LPP: variants seen among roughly 807,000 people sequenced by gnomAD.
The protein encoded by LPP is LIM domain containing preferred translocation partner in lipoma, also known as lipoma-preferred partner.
LPP carries 38 observed loss-of-function variants against 60.4 expected under a neutral mutation model. The observed-to-expected ratio is 0.63, with a 90% CI of 0.49 to 0.83. The LOEUF (loss-of-function observed/expected upper bound fraction) is 0.83. LPP is among the 40% of genes least tolerant of loss of function. LPP has a pLI of 0.00. For synonymous variants in LPP, 328 were observed against 290.8 expected, an observed-to-expected ratio of 1.13 and a Z score of -1.30; for missense variants, 902 against 783.6, an observed-to-expected ratio of 1.15 and a Z score of -1.80.
At position 188,874,530 on chromosome 3, in the gene LPP, A is replaced by C; in HGVS notation, c.*51A>C. The C allele has an allele frequency of 6.3e-7, 1 of 1,594,360 alleles. No individual in the cohort carries two copies. The highest frequency in any genetic ancestry group is 2.2e-5 in the East Asian group (1 of 44,542). On this transcript the variant is annotated 3_prime_UTR_variant, in exon 12 of 12. Transcript: ENST00000617246. The stretch of plus-strand genomic sequence containing the variant: ...TGAGAAGAACGAACACAAGAAAAAG[A>C]TAAGAAATACTAGAGTAAAGGCCAT...
intron 1 of LPP, among the ~76,000 whole-genome samples, chr3:188,163,032 G>T (rs1458203434): frequency 6.6e-6 from 1 of 152,176 alleles, no homozygotes. Flanking sequence ...ACATTCACGG[G>T]CATTTCCAGG....
At chr3:188,529,416 G>A (rs1821548569) in intron 6 of LPP, among the ~76,000 whole-genome samples, 1 of 152,134 alleles carries the variant, frequency 6.6e-6, no homozygotes, top group Admixed American at 6.5e-5. Context: ...AACATGTGTT[G>A]TAAGCTTTTT....
intron 1 of LPP, among the ~76,000 whole-genome samples, chr3:188,168,343 G>A (rs1474548888): frequency 6.6e-6 from 1 of 152,156 alleles, no homozygotes; most frequent in Non-Finnish European, 1.5e-5. Flanking sequence ...TAAATGTTTT[G>A]TGTCCATAGC....
At chr3:188,607,978 C>T (rs769047767) in intron 6 of LPP, among the ~76,000 whole-genome samples, 74 of 152,218 alleles carry the variant, frequency 4.9e-4, no homozygotes, top group Non-Finnish European at 9.6e-4. Flanking sequence ...GCCTCTTCAA[C>T]ATGTAAAGCT....
intron 8 of LPP, among the ~76,000 whole-genome samples, chr3:188,746,307 T>C (rs772712468): frequency 6.6e-6 from 1 of 152,170 alleles, no homozygotes; most frequent in African/African-American, 2.4e-5. Context: ...TGTTTAAATA[T>C]AGTCCATATG....
chr3:188,453,799 T>TC (rs1797136686), intron 4 of LPP, among the ~76,000 whole-genome samples: 1 of 152,132 alleles, frequency 6.6e-6, no homozygotes, highest in African/African-American at 2.4e-5. Context: ...TGTGGGTACT[T>TC]CTGTTAGGCT....
At chr3:188,206,634 TATGTG>T (rs1233956030) in intron 1 of LPP, among the ~76,000 whole-genome samples, 2 of 152,150 alleles carry the variant, frequency 1.3e-5, no homozygotes, top group African/African-American at 4.8e-5. Flanking sequence ...GCATGCTAGT[TATGTG>T]GAGAGGATTT....
At position 188,880,381 on chromosome 3, in the gene LPP, AG is replaced by A. The variant is rs1769822581; in HGVS notation, c.*5903del. The stretch of plus-strand genomic sequence containing the variant: ...GGTCCCCTTCAAAGTTACAAAAAAA[AG>A]TGCTAATTTTTGCTGTTAAATTCTG... On this transcript the variant is annotated 3_prime_UTR_variant, in exon 12 of 12. Transcript: ENST00000617246. 1.1e-5 allele frequency: 2 copies of A among 185,110 alleles called. No individual in the cohort carries two copies. Among genetic ancestry groups the A allele is most frequent in the Non-Finnish European group, 2.3e-5 (2 of 87,366 alleles). 11.5% of individuals were successfully genotyped at this position (185,110 alleles called of 1,614,324 possible). A position where few individuals can be genotyped will look rare whatever the true frequency, so the allele number is the denominator to read the frequency against.
chr3:188,679,620 A>T (rs1199687827), intron 7 of LPP, among the ~76,000 whole-genome samples: 1 of 151,032 alleles, frequency 6.6e-6, no homozygotes, highest in Non-Finnish European at 1.5e-5. Context: ...GGAACTGGTA[A>T]ATTTGCCTGT....
chr3:188,167,192 T>C (rs527237982), intron 1 of LPP, among the ~76,000 whole-genome samples: 1 of 152,288 alleles, frequency 6.6e-6, no homozygotes, highest in East Asian at 1.9e-4. Flanking sequence ...GTCAGTGTAG[T>C]AAAGCCTCAA....
intron 4 of LPP, among the ~76,000 whole-genome samples, chr3:188,429,451 G>T (rs184294554): frequency 6.6e-6 from 1 of 152,278 alleles, no homozygotes; most frequent in Admixed American, 6.5e-5. Context: ...ATGCAGGTGG[G>T]TCCTCTTAGG....
rs375106296 is a variant in LPP, at chr3:188,356,026, A to C, written c.-10+14307A>C. Among the ~76,000 whole-genome samples the C allele has an allele frequency of 3.1e-4, 47 of 152,334 alleles. No homozygotes were observed. The South Asian group carries it at 9.5e-3, about 31-fold the overall frequency. On this transcript the variant is annotated intron_variant, in intron 3 of 11. Coordinates refer to ENST00000617246, the MANE Select transcript of LPP (RefSeq NM_001375462.1). ...ACGCATTTATGGATAGTAGCTTAAA[A>C]AATTTCTGTAATTTTGCTGTTTTCA... is the stretch of plus-strand genomic sequence containing the variant.
Position 188,886,318 on chromosome 3 carries a change from T to TA in LPP, c.*11851dup, listed in dbSNP as rs544624721. The TA allele has an allele frequency of 0.013, 1,928 of 152,986 alleles. 2 individuals are homozygous for TA. Among genetic ancestry groups the TA allele is most frequent in the East Asian group, 0.036 (295 of 8,164 alleles). The allele number at this position is 152,986 out of a possible 1,614,324, so 9.5% of individuals were successfully genotyped here. A position where few individuals can be genotyped will look rare whatever the true frequency, so the allele number is the denominator to read the frequency against. ...AAGTATAATAATAATGAAATAAAAT[T>TA]AAAAAAAAAAAAGAAAAGTGCCTCA... On this transcript the variant is annotated 3_prime_UTR_variant, in exon 12 of 12. Coordinates refer to ENST00000617246, the MANE Select transcript of LPP (RefSeq NM_001375462.1).
chr3:188,350,325 C>T (rs1460914643), intron 3 of LPP, among the ~76,000 whole-genome samples: 1 of 152,102 alleles, frequency 6.6e-6, no homozygotes, highest in African/African-American at 2.4e-5. Flanking sequence ...TTGGAGGTTT[C>T]TTATAGAACT....
intron 6 of LPP, among the ~76,000 whole-genome samples, chr3:188,595,775 A>G (rs1331462672): frequency 6.6e-6 from 1 of 152,208 alleles, no homozygotes; most frequent in Non-Finnish European, 1.5e-5. Context: ...GACACTGTCC[A>G]TATATTGCAA....
intron 1 of LPP, among the ~76,000 whole-genome samples, chr3:188,184,357 C>T (rs1216220996): frequency 6.6e-6 from 1 of 152,080 alleles, no homozygotes; most frequent in Non-Finnish European, 1.5e-5. Flanking sequence ...AGCTCCCCAT[C>T]CAGGAGGGAA....
At chr3:188,171,709 T>G (rs1721629945) in intron 1 of LPP, among the ~76,000 whole-genome samples, 1 of 152,236 alleles carries the variant, frequency 6.6e-6, no homozygotes, top group African/African-American at 2.4e-5. Context: ...GAAACAACAG[T>G]CCATGAGGTA....
intron 2 of LPP, among the ~76,000 whole-genome samples, chr3:188,259,981 C>T (rs116050196): frequency 0.013 from 2,021 of 151,688 alleles, 27 homozygotes; most frequent in Non-Finnish European, 0.019. Context: ...AAACTGTAAA[C>T]AGGGTTAAAG....
At chr3:188,703,682 A>C (rs1037393400) in intron 7 of LPP, among the ~76,000 whole-genome samples, 1 of 152,216 alleles carries the variant, frequency 6.6e-6, no homozygotes, top group Non-Finnish European at 1.5e-5. Context: ...AAAAGAGTAG[A>C]ATCTAACAGA....
Sources: allele counts gnomAD v4.1 joint callset (sites outside exome capture counted in the v4.1 genomes callset), GRCh38; gene constraint gnomAD v4.1.1; transcripts MANE v1.5; gene names NCBI Gene and HGNC (gene_info 2026-07-23, HGNC 2026-07-21).